The following ARMC8 variants were observed in gnomAD, a reference collection of about 807,000 sequenced individuals.
The protein encoded by ARMC8 is armadillo repeat containing 8.
ARMC8 carries 20 observed loss-of-function variants against 99.3 expected under a neutral mutation model. The ratio of observed to expected loss-of-function variants is 0.20; its 90% confidence interval spans 0.14 to 0.29. ARMC8 has a LOEUF of 0.29. ARMC8 is among the 10% of genes least tolerant of loss of function. The pLI is 1.00. For synonymous variants in ARMC8, 263 were observed against 278.3 expected (o/e 0.95, Z 0.55); for missense variants, 569 against 809.5 (o/e 0.70, Z 3.60).
chr3:138,257,844 A>G (rs556175238), intron 12 of ARMC8, among the ~76,000 whole-genome samples: 2 of 151,156 alleles, frequency 1.3e-5, no homozygotes, highest in South Asian at 4.2e-4. Context: ...TGCCAGACCT[A>G]CTCTCTCTCC....
Position 138,187,492 on chromosome 3 carries a change from T to C in ARMC8, c.-63T>C, listed in dbSNP as rs1442986995. ...AGCGGTGCCTAGCGTTGGCCAATAGTTGGCTGTCGAAAGTGCCGGCCCCCG... is the reference window on the plus strand; with the variant it reads ...AGCGGTGCCTAGCGTTGGCCAATAGCTGGCTGTCGAAAGTGCCGGCCCCCG... On this transcript the variant is annotated 5_prime_UTR_variant, in exon 1 of 22. Transcript: ENST00000469044. 6.6e-7 allele frequency: 1 copy of C among 1,513,238 alleles called. No individual in the cohort carries two copies. The highest frequency in any genetic ancestry group is 8.9e-7 in the Non-Finnish European group (1 of 1,126,548). The allele number at this position is 1,513,238 out of a possible 1,614,324, so 93.7% of individuals were successfully genotyped here.
chr3:138,213,931 C>T (rs572639856), intron 2 of ARMC8, among the ~76,000 whole-genome samples: 2 of 152,098 alleles, frequency 1.3e-5, no homozygotes, highest in Non-Finnish European at 2.9e-5. Flanking sequence ...GAGACCAAGG[C>T]GGGCGGATCC....
chr3:138,207,752 C>T (rs183013843), intron 1 of ARMC8, among the ~76,000 whole-genome samples: 1 of 152,132 alleles, frequency 6.6e-6, no homozygotes, highest in African/African-American at 2.4e-5. Flanking sequence ...ATTTGAAGAT[C>T]TGACAAATGG....
intron 7 of ARMC8, 53 bp from the exon 8 acceptor site, chr3:138,237,256 A>G (rs2046379652): frequency 6.7e-7 from 1 of 1,498,618 alleles, no homozygotes; most frequent in Admixed American, 1.8e-5. Flanking sequence ...AGACATTAAA[A>G]TTTGCATTTG....
At chr3:138,215,266 G>C (rs1226750133) in intron 2 of ARMC8, among the ~76,000 whole-genome samples, 1 of 151,818 alleles carries the variant, frequency 6.6e-6, no homozygotes, top group Non-Finnish European at 1.5e-5. Context: ...GCCCAGACTG[G>C]AGTGCAATGG....
At chr3:138,199,582 A>G (rs902959780) in intron 1 of ARMC8, among the ~76,000 whole-genome samples, 2 of 152,220 alleles carry the variant, frequency 1.3e-5, no homozygotes, top group Admixed American at 1.3e-4. Flanking sequence ...GCAGTGAAAT[A>G]GTACACATCA....
intron 6 of ARMC8, among the ~76,000 whole-genome samples, chr3:138,231,865 G>C (rs1415656689): frequency 1.3e-5 from 2 of 150,324 alleles, no homozygotes; most frequent in Non-Finnish European, 3.0e-5. Flanking sequence ...GTTCCTGCAG[G>C]TTGATTTGGA....
intron 12 of ARMC8, among the ~76,000 whole-genome samples, chr3:138,254,288 C>G (rs1205048421): frequency 6.6e-6 from 1 of 152,122 alleles, no homozygotes; most frequent in Non-Finnish European, 1.5e-5. Flanking sequence ...GGAATGTAAG[C>G]TATGTAAAAG....
chr3:138,202,494 C>A (rs1438161979), intron 1 of ARMC8, among the ~76,000 whole-genome samples: 2 of 152,068 alleles, frequency 1.3e-5, no homozygotes, highest in Non-Finnish European at 2.9e-5. Flanking sequence ...GCAAATTACC[C>A]TCTTTGCACA....
intron 21 of ARMC8, among the ~76,000 whole-genome samples, chr3:138,292,979 A>G (rs2051114708): frequency 1.3e-5 from 2 of 152,158 alleles, no homozygotes; most frequent in Admixed American, 1.3e-4. Flanking sequence ...TTATCCTTCA[A>G]AACTCATATC....
intron 9 of ARMC8, chr3:138,238,067 G>A (rs1410506196): frequency 1.4e-5 from 2 of 140,392 alleles, no homozygotes; most frequent in Admixed American, 1.4e-4. Context: ...TTATGCAAAG[G>A]TTTTTTTTTT....
intron 1 of ARMC8, among the ~76,000 whole-genome samples, chr3:138,205,043 CTCTTTTCTTT>C (rs1245757221): frequency 4.2e-5 from 6 of 143,812 alleles, no homozygotes; most frequent in East Asian, 2.0e-4. Flanking sequence ...GCAACTCAGT[CTCTTTTCTTT>C]TCTTTTCTTT....
At chr3:138,258,703 G>C (rs1425751842) in intron 12 of ARMC8, among the ~76,000 whole-genome samples, 1 of 152,190 alleles carries the variant, frequency 6.6e-6, no homozygotes, top group Admixed American at 6.5e-5. Context: ...TTTCGCAAAA[G>C]CATGTCATAA....
intron 19 of ARMC8, among the ~76,000 whole-genome samples, chr3:138,286,781 C>T (rs1429896224): frequency 6.6e-6 from 1 of 152,192 alleles, no homozygotes; most frequent in Non-Finnish European, 1.5e-5. Flanking sequence ...CTTATACTAT[C>T]ATCACTGTGC....
chr3:138,201,477 T>TTTTC (rs1456840327), intron 1 of ARMC8, among the ~76,000 whole-genome samples: 2 of 101,926 alleles, frequency 2.0e-5, no homozygotes, highest in African/African-American at 8.0e-5. Flanking sequence ...TTTTTTTTTT[T>TTTTC]CCTGAGACAG....
At chr3:138,244,304 G>A (rs943908791) in intron 11 of ARMC8, among the ~76,000 whole-genome samples, 1 of 151,832 alleles carries the variant, frequency 6.6e-6, no homozygotes, top group Non-Finnish European at 1.5e-5. Flanking sequence ...TTGAGATGTA[G>A]TCTCGCTCTG....
chr3:138,196,917 A>T (rs1250429811), intron 1 of ARMC8, among the ~76,000 whole-genome samples: 1 of 152,140 alleles, frequency 6.6e-6, no homozygotes, highest in African/African-American at 2.4e-5. Context: ...AATGGTAAAG[A>T]TTGTAGCAAT....
chr3:138,229,915 G>A (rs561138523), intron 6 of ARMC8, among the ~76,000 whole-genome samples: 9 of 152,264 alleles, frequency 5.9e-5, no homozygotes, highest in East Asian at 5.8e-4. Flanking sequence ...GGAAAGAAGG[G>A]ATAAGAGAAC....
intron 3 of ARMC8, 55 bp from the exon 4 acceptor site, chr3:138,223,334 T>C (rs924090457): frequency 3.2e-5 from 51 of 1,573,128 alleles, no homozygotes; most frequent in Middle Eastern, 1.7e-4. Flanking sequence ...TTTGGTCACA[T>C]TGAGTCTTGT....
Sources: gnomAD v4.1 joint callset for allele counts (sites outside exome capture counted in the v4.1 genomes callset) on GRCh38, gnomAD v4.1.1 for gene constraint, MANE v1.5 for transcripts, NCBI Gene and HGNC (gene_info 2026-07-23, HGNC 2026-07-21) for gene names.